The following SDK2 variants were observed in gnomAD, a reference collection of about 807,000 sequenced individuals.
SDK2 encodes sidekick cell adhesion molecule 2, also known as protein sidekick-2.
SDK2 carries 105 observed loss-of-function variants against 253.9 expected under a neutral mutation model. The ratio of observed to expected loss-of-function variants is 0.41; its 90% confidence interval spans 0.35 to 0.49. The LOEUF is 0.49. SDK2 is among the 20% of genes least tolerant of loss of function. The pLI is 0.06. For synonymous variants in SDK2, 1,249 were observed against 1,234.9 expected, an observed-to-expected ratio of 1.01 and a Z score of -0.24; for missense variants, 2,608 against 3,003.0, an observed-to-expected ratio of 0.87 and a Z score of 3.07.
Position 73,511,653 on chromosome 17 carries a change from A to G in SDK2, c.65-4056T>C, listed in dbSNP as rs921950857. ...GGTCCTCACAAGGTTCCTCTCCCCA[A>G]GCTCCTGCGGTGAAGTCACCCCCTC... On this transcript the variant is annotated intron_variant, in intron 1 of 44. Coordinates refer to ENST00000392650, the MANE Select transcript of SDK2 (RefSeq NM_001144952.2). This position sits in a 1 kb window ranked among gnomAD's most constrained non-coding sequence, Gnocchi z 4.9. 3.3e-5 allele frequency among the ~76,000 whole-genome samples: 5 copies of G among 152,146 alleles called. No individual in the cohort carries two copies. The highest frequency in any genetic ancestry group is 9.7e-5 in the African/African-American group (4 of 41,446).
At chr17:73,540,625 C>T (rs562535334) in intron 1 of SDK2, among the ~76,000 whole-genome samples, 81 of 152,314 alleles carry the variant, frequency 5.3e-4, no homozygotes, top group African/African-American at 1.4e-3. Flanking sequence ...CAAAACACTT[C>T]GTGCGTGACC....
chr17:73,457,345 CTCTT>C lies in SDK2; in HGVS notation c.332-1296_332-1293del, dbSNP rs1244598735. On this transcript the variant is annotated intron_variant, in intron 3 of 44. Coordinates refer to ENST00000392650, the MANE Select transcript of SDK2 (RefSeq NM_001144952.2). The stretch of plus-strand genomic sequence containing the variant: ...CTCCTCCCCTCCCCTCTCCTCTCCT[CTCTT>C]TCTTTCTTTCTTTCTTTCATCTCAC... Among the ~76,000 whole-genome samples the C allele has an allele frequency of 7.0e-4, 92 of 131,916 alleles. 1 individual carries two copies. The highest frequency in any genetic ancestry group is 1.7e-3 in the South Asian group (6 of 3,562). 86.5% of individuals were successfully genotyped at this position (131,916 alleles called of 152,430 possible). A position where few individuals can be genotyped will look rare whatever the true frequency, so the allele number is the denominator to read the frequency against.
rs989534293 is a variant in SDK2, at chr17:73,352,926, T to C, written c.5594-289A>G. 3.3e-5 allele frequency among the ~76,000 whole-genome samples: 5 copies of C among 152,190 alleles called. No homozygotes were observed. The highest frequency in any genetic ancestry group is 1.2e-4 in the African/African-American group (5 of 41,450). ...AGCCAACATGGTGAAACCCTGTCTC[T>C]ACTAAAAATACAAAAATTAGTCTGG... On this transcript the variant is annotated intron_variant, in intron 40 of 44. Coordinates refer to ENST00000392650, the MANE Select transcript of SDK2 (RefSeq NM_001144952.2). The surrounding 1 kb of genome is among the most constrained non-coding windows in gnomAD (Gnocchi z 4.1).
rs941799082 is a variant in SDK2 at position 73,338,109 on chromosome 17, C to G, written c.*478G>C. Reference sequence around the variant, plus strand: ...AGGAGGAGCAGAGAGAGAAGATAGGCGTGGCCTCCGGGATGCCCATTCTTT... The same window carrying G: ...AGGAGGAGCAGAGAGAGAAGATAGGGGTGGCCTCCGGGATGCCCATTCTTT... On this transcript the variant is annotated 3_prime_UTR_variant, in exon 45 of 45. Coordinates refer to ENST00000392650, the MANE Select transcript of SDK2 (RefSeq NM_001144952.2). This position sits in a 1 kb window ranked among gnomAD's most constrained non-coding sequence, Gnocchi z 5.0. 7 of 257,916 alleles carry G rather than the reference C, an allele frequency of 2.7e-5. No individual in the cohort carries two copies. Among genetic ancestry groups the G allele is most frequent in the African/African-American group, 1.4e-4 (6 of 43,336 alleles). The allele number at this position is 257,916 out of a possible 1,614,324, so 16.0% of individuals were successfully genotyped here.
chr17:73,532,615 C>G (rs1433899557), intron 1 of SDK2, among the ~76,000 whole-genome samples: 3 of 152,222 alleles, frequency 2.0e-5, no homozygotes, highest in Non-Finnish European at 2.9e-5. Flanking sequence ...AATGAAATCG[C>G]CCTTCTTATC....
intron 1 of SDK2, among the ~76,000 whole-genome samples, chr17:73,636,876 T>C (rs1437857688): frequency 6.6e-6 from 1 of 152,150 alleles, no homozygotes; most frequent in East Asian, 1.9e-4. Context: ...GTGCTTATGA[T>C]ATGTCAGGCT....
At chr17:73,341,894 T>G (rs1390253700) in intron 44 of SDK2, among the ~76,000 whole-genome samples, 9 of 152,162 alleles carry the variant, frequency 5.9e-5, no homozygotes, top group Admixed American at 5.9e-4. Flanking sequence ...CTCCTATTGC[T>G]ACCTGAGCAC....
rs142707878 is a variant in SDK2 at position 73,390,963 on chromosome 17, C to T, written c.3997+477G>A. ...CATTTTAAAGGTGAGGGCACTGAGGCCGCAGAGGGGAGTAGACTTGCTCAA... is the reference window on the plus strand; with the variant it reads ...CATTTTAAAGGTGAGGGCACTGAGGTCGCAGAGGGGAGTAGACTTGCTCAA... On this transcript the variant is annotated intron_variant, in intron 28 of 44. Transcript: ENST00000392650. Among the ~76,000 whole-genome samples the T allele has an allele frequency of 5.9e-5, 9 of 152,328 alleles. No homozygotes were observed. In the East Asian group the frequency reaches 1.7e-3, roughly 29 times the overall value.
Position 73,583,339 on chromosome 17 carries a change from G to A in SDK2, c.64+60686C>T, listed in dbSNP as rs2045561063. Among the ~76,000 whole-genome samples the A allele has an allele frequency of 2.0e-5, 3 of 152,186 alleles. No individual in the cohort carries two copies. The South Asian group carries it at 6.2e-4, about 32-fold the overall frequency. On this transcript the variant is annotated intron_variant, in intron 1 of 44. Transcript: ENST00000392650. ...ATGCCAGGAACAAGCCCTGACTCCT[G>A]TAGACTCTAACCTCCCATCTTCTCT... is the stretch of plus-strand genomic sequence containing the variant.
intron 21 of SDK2, among the ~76,000 whole-genome samples, chr17:73,400,536 C>T (rs2063013744): frequency 6.6e-6 from 1 of 152,142 alleles, no homozygotes. Context: ...GAGCCCCTGT[C>T]CAGAGACCTG....
intron 2 of SDK2, among the ~76,000 whole-genome samples, chr17:73,500,080 C>A (rs2063874710): frequency 6.7e-6 from 1 of 149,894 alleles, no homozygotes; most frequent in African/African-American, 2.5e-5. Flanking sequence ...TCCATCCTCC[C>A]TCCATTCTCC....
At chr17:73,479,983 G>A (rs969026773) in intron 2 of SDK2, among the ~76,000 whole-genome samples, 1 of 152,214 alleles carries the variant, frequency 6.6e-6, no homozygotes, top group African/African-American at 2.4e-5. Context: ...GTGAGCCACT[G>A]TACCTGACCT....
intron 1 of SDK2, among the ~76,000 whole-genome samples, chr17:73,509,286 A>G (rs1232652366): frequency 6.6e-6 from 1 of 152,136 alleles, no homozygotes; most frequent in Non-Finnish European, 1.5e-5. Context: ...TGATGGTGAA[A>G]ATGCTGGCTC....
chr17:73,428,494 T>A (rs2063301708), intron 12 of SDK2, among the ~76,000 whole-genome samples: 1 of 152,154 alleles, frequency 6.6e-6, no homozygotes, highest in Non-Finnish European at 1.5e-5. Context: ...CACTTTAGTC[T>A]GGTTTGGTTG....
rs1236803054 is a variant in SDK2 at position 73,541,248 on chromosome 17, G to GC, written c.65-33652dup. On this transcript the variant is annotated intron_variant, in intron 1 of 44. Coordinates refer to ENST00000392650, the MANE Select transcript of SDK2 (RefSeq NM_001144952.2). This position sits in a 1 kb window ranked among gnomAD's most constrained non-coding sequence, Gnocchi z 4.3. ...GTGCCCGGGGGGCTGCAGGGGATGG[G>GC]CTGCAGTGTGTGGAAAGAGCTGCCT... is the stretch of plus-strand genomic sequence containing the variant. Among the ~76,000 whole-genome samples, 3 of 152,208 alleles carry GC rather than the reference G, an allele frequency of 2.0e-5. No individual in the cohort carries two copies. The highest frequency in any genetic ancestry group is 1.5e-5 in the Non-Finnish European group (1 of 68,022).
chr17:73,554,795 G>C (rs942391865), intron 1 of SDK2, among the ~76,000 whole-genome samples: 1 of 152,228 alleles, frequency 6.6e-6, no homozygotes, highest in Non-Finnish European at 1.5e-5. Flanking sequence ...GAAGCCAGCT[G>C]TGCTGTGGAG....
At chr17:73,633,212 A>G (rs112916878) in intron 1 of SDK2, among the ~76,000 whole-genome samples, 6,193 of 152,188 alleles carry the variant, frequency 0.041, 441 homozygotes, top group African/African-American at 0.14. Flanking sequence ...TTGAACCTAG[A>G]AGGTTGAGGC....
At chr17:73,403,149 A>G (rs2063042890) in intron 18 of SDK2, among the ~76,000 whole-genome samples, 1 of 152,172 alleles carries the variant, frequency 6.6e-6, no homozygotes, top group Non-Finnish European at 1.5e-5. Context: ...AGGCTCACAC[A>G]GGTAGGGGGA....
chr17:73,609,028 G>C lies in SDK2; in HGVS notation c.64+34997C>G, dbSNP rs962861749. 1.3e-5 allele frequency among the ~76,000 whole-genome samples: 2 copies of C among 152,212 alleles called. No individual in the cohort carries two copies. The highest frequency in any genetic ancestry group is 4.8e-5 in the African/African-American group (2 of 41,446). On this transcript the variant is annotated intron_variant, in intron 1 of 44. Transcript: ENST00000392650. This position sits in a 1 kb window ranked among gnomAD's most constrained non-coding sequence, Gnocchi z 4.4. ...TGTGGGGTGTAAGAGAAAGAGTCAA[G>C]GGTTAGCCTTGAGGTTTGGGCTGCA...
Sources: gnomAD v4.1 joint callset for allele counts (sites outside exome capture counted in the v4.1 genomes callset) on GRCh38, gnomAD v4.1.1 for gene constraint, Gnocchi (gnomAD v3.1) non-coding constraint, MANE v1.5 for transcripts, NCBI Gene and HGNC (gene_info 2026-07-23, HGNC 2026-07-21) for gene names.